Variants in UNC79 observed in about 807,000 individuals in gnomAD.
UNC79 encodes the protein unc-79 subunit of NALCN channel complex, also known as protein unc-79 homolog.
Under a neutral mutation model 283.1 loss-of-function variants are expected in UNC79, and 37 were observed. The ratio of observed to expected loss-of-function variants is 0.13; its 90% CI spans 0.10 to 0.17. UNC79 has a LOEUF of 0.17. Ranked by LOEUF, UNC79 falls within the 10% of genes least tolerant of loss-of-function variation. The probability of loss-of-function intolerance (pLI) is 1.00; values close to 1 mark genes in which losing one functional copy is unlikely to be tolerated. For synonymous variants in UNC79, 1,107 were observed against 1,200.2 expected, an observed-to-expected ratio of 0.92 and a Z score of 1.61; for missense variants, 2,272 against 3,211.1, an observed-to-expected ratio of 0.71 and a Z score of 7.07.
At chr14:93,375,729 T>C (rs746450312) in intron 1 of UNC79, among the ~76,000 whole-genome samples, 2 of 152,038 alleles carry the variant, frequency 1.3e-5, no homozygotes, top group African/African-American at 2.4e-5. Flanking sequence ...AATGACCAGA[T>C]GTCATGAGAG....
intron 1 of UNC79, among the ~76,000 whole-genome samples, chr14:93,440,404 T>A (rs907376228): frequency 6.6e-6 from 1 of 152,136 alleles, no homozygotes; most frequent in Non-Finnish European, 1.5e-5. Context: ...TTTTATTTAT[T>A]TATTACTTCT....
intron 47 of UNC79, among the ~76,000 whole-genome samples, chr14:93,702,228 G>C (rs2075580943): frequency 6.6e-6 from 1 of 152,116 alleles, no homozygotes; most frequent in Non-Finnish European, 1.5e-5. Context: ...AGCCTTATCT[G>C]GTACCAATCT....
chr14:93,354,267 G>C (rs1205689914), intron 1 of UNC79, among the ~76,000 whole-genome samples: 1 of 152,130 alleles, frequency 6.6e-6, no homozygotes, highest in Non-Finnish European at 1.5e-5. Context: ...GTGTTTTATG[G>C]ACATTTAAAG....
At chr14:93,429,595 A>C (rs996825476), upstream of UNC79, among the ~76,000 whole-genome samples, 26 of 152,308 alleles carry the variant, frequency 1.7e-4, no homozygotes, top group African/African-American at 6.0e-4. Context: ...ATAGTTTGAT[A>C]TATTACACAG....
intron 34 of UNC79, among the ~76,000 whole-genome samples, chr14:93,644,714 T>C (rs150908389): frequency 3.9e-3 from 598 of 152,350 alleles, no homozygotes; most frequent in Non-Finnish European, 6.6e-3. Flanking sequence ...TTAATGTTGC[T>C]AAAATTTAAT....
At chr14:93,518,332 T>C (rs1282831472) in intron 7 of UNC79, among the ~76,000 whole-genome samples, 12 of 151,982 alleles carry the variant, frequency 7.9e-5, no homozygotes, top group Non-Finnish European at 1.6e-4. Context: ...TTGTGTCTTT[T>C]AAGGAATGTG....
chr14:93,674,931 C>T (rs560505416), intron 41 of UNC79, among the ~76,000 whole-genome samples: 1 of 152,272 alleles, frequency 6.6e-6, no homozygotes, highest in South Asian at 2.1e-4. Context: ...CTTGACAGGC[C>T]CTTTCCATCC....
Position 93,545,858 on chromosome 14 carries a change from A to G in UNC79, c.1755+3162A>G, listed in dbSNP as rs536357842. On this transcript the variant is annotated intron_variant, in intron 14 of 48. Transcript: ENST00000555664. ...AGTTATTGCTCAAATCAGTCTCATC[A>G]AAGGCTTGTAGGTTAGGGGTTTCTC... Among the ~76,000 whole-genome samples the G allele has an allele frequency of 4.2e-4, 64 of 152,282 alleles. 1 individual carries two copies. The South Asian group carries it at 0.013, about 31-fold the overall frequency.
chr14:93,440,354 T>A (rs2056248986), intron 1 of UNC79, among the ~76,000 whole-genome samples: 1 of 152,030 alleles, frequency 6.6e-6, no homozygotes, highest in Non-Finnish European at 1.5e-5. Context: ...GGTTAGTGGT[T>A]TGTCTATTTT....
At chr14:93,355,197 T>C (rs974567526) in intron 1 of UNC79, among the ~76,000 whole-genome samples, 4 of 151,278 alleles carry the variant, frequency 2.6e-5, no homozygotes, top group African/African-American at 4.9e-5. Context: ...GCCCGGCTAG[T>C]TTTTTTTTCC....
At chr14:93,608,243 G>T (rs1337477522) in intron 26 of UNC79, among the ~76,000 whole-genome samples, 1 of 152,186 alleles carries the variant, frequency 6.6e-6, no homozygotes, top group Non-Finnish European at 1.5e-5. Context: ...CTCTTAACTT[G>T]CTTACGGCCA....
intron 1 of UNC79, among the ~76,000 whole-genome samples, chr14:93,360,061 A>C (rs1157231229): frequency 6.6e-6 from 1 of 152,076 alleles, no homozygotes; most frequent in Non-Finnish European, 1.5e-5. Context: ...TAATTAATGG[A>C]GTGTTAGCTC....
At chr14:93,467,305 CTAT>C (rs1432435644) in intron 1 of UNC79, among the ~76,000 whole-genome samples, 1 of 151,978 alleles carries the variant, frequency 6.6e-6, no homozygotes, top group African/African-American at 2.4e-5. Flanking sequence ...AGACTTATAT[CTAT>C]TATTATTTTG....
chr14:93,617,370 G>A lies in UNC79; in HGVS notation c.4224+66G>A, dbSNP rs2066806757. On this transcript the variant is annotated intron_variant, in intron 28 of 48. Coordinates refer to ENST00000555664, the Ensembl canonical transcript of UNC79. This position sits in a 1 kb window ranked among gnomAD's most constrained non-coding sequence, Gnocchi z 4.5. ...TCTTAGAGAGCATATAGCATTAGGA[G>A]AACACCTGAGTCTTTAGTTGAAAAT... is the stretch of plus-strand genomic sequence containing the variant. 2 of 1,502,206 alleles carry A rather than the reference G, an allele frequency of 1.3e-6. No individual in the cohort carries two copies. The highest frequency in any genetic ancestry group is 2.0e-5 in the Admixed American group (1 of 49,858). The allele number at this position is 1,502,206 out of a possible 1,614,324, so 93.1% of individuals were successfully genotyped here. A position where few individuals can be genotyped will look rare whatever the true frequency, so the allele number is the denominator to read the frequency against.
chr14:93,581,948 AATG>A (rs1455268622), intron 19 of UNC79, among the ~76,000 whole-genome samples: 2 of 152,196 alleles, frequency 1.3e-5, no homozygotes, highest in African/African-American at 4.8e-5. Context: ...AGGAAGATTT[AATG>A]ATGTTTTTGA....
At chr14:93,679,208 C>T (rs372313927) in intron 41 of UNC79, among the ~76,000 whole-genome samples, 2 of 152,178 alleles carry the variant, frequency 1.3e-5, no homozygotes, top group Non-Finnish European at 2.9e-5. Flanking sequence ...CGCCTGTAAT[C>T]CCAACACTTT....
At chr14:93,665,653 AAAGACACTCTG>A (rs2072113467) in intron 40 of UNC79, among the ~76,000 whole-genome samples, 1 of 152,034 alleles carries the variant, frequency 6.6e-6, no homozygotes, top group African/African-American at 2.4e-5. Flanking sequence ...AACCAAGGGA[AAAGACACTCTG>A]AAGACAGACA....
exon 30 of UNC79, chr14:93,622,796 A>G (rs1566800766): frequency 2.5e-6 from 4 of 1,614,208 alleles, no homozygotes; most frequent in Non-Finnish European, 3.4e-6. Context: ...GTACCTCGAC[A>G]TCTCCTTCAA....
At chr14:93,635,408 A>C (rs2068425725) in intron 31 of UNC79, among the ~76,000 whole-genome samples, 1 of 152,200 alleles carries the variant, frequency 6.6e-6, no homozygotes, top group Non-Finnish European at 1.5e-5. Context: ...ACTAAAATGT[A>C]AGGGCTTATT....
Sources: allele counts gnomAD v4.1 joint callset (sites outside exome capture counted in the v4.1 genomes callset), GRCh38; gene constraint gnomAD v4.1.1; non-coding constraint Gnocchi (gnomAD v3.1); transcripts MANE v1.5; gene names NCBI Gene and HGNC (gene_info 2026-07-23, HGNC 2026-07-21).